The following CCDC3 variants were observed in gnomAD, a reference collection of about 807,000 sequenced individuals.
CCDC3 encodes the protein coiled-coil domain containing 3.
Under a neutral mutation model 21.4 loss-of-function variants are expected in CCDC3, and 24 were observed. That is an observed-to-expected ratio of 1.12 (90% CI 0.81 to 1.58). CCDC3 has a LOEUF of 1.58. CCDC3 is among the 40% of genes most tolerant of loss of function. The probability of loss-of-function intolerance (pLI) is 0.00; values close to 1 mark genes in which losing one functional copy is unlikely to be tolerated. For synonymous variants in CCDC3, 186 were observed against 166.0 expected (o/e 1.12, Z -0.93); for missense variants, 425 against 360.9 (o/e 1.18, Z -1.44).
intron 2 of CCDC3, among the ~76,000 whole-genome samples, chr10:12,914,927 C>T (rs1379747656): frequency 6.6e-6 from 1 of 152,044 alleles, no homozygotes. Flanking sequence ...TGAGGTAACA[C>T]TAGATGTTTA....
chr10:12,951,161 A>T (rs889183823), intron 2 of CCDC3, among the ~76,000 whole-genome samples: 1 of 152,228 alleles, frequency 6.6e-6, no homozygotes, highest in African/African-American at 2.4e-5. Flanking sequence ...ACTCGAGTCC[A>T]GGACTTCAAG....
upstream of CCDC3, among the ~76,000 whole-genome samples, chr10:13,003,214 T>A (rs1441575674): frequency 6.6e-6 from 1 of 152,230 alleles, no homozygotes; most frequent in Non-Finnish European, 1.5e-5. Context: ...ATAATAAGAA[T>A]TGCTAAACCT....
At chr10:12,940,943 C>G (rs575244056) in intron 2 of CCDC3, among the ~76,000 whole-genome samples, 4 of 137,888 alleles carry the variant, frequency 2.9e-5, no homozygotes, top group Admixed American at 1.4e-4. Flanking sequence ...GATCTTTGCA[C>G]TTGTGATACT....
chr10:12,969,021 A>G (rs1054903617), intron 2 of CCDC3, among the ~76,000 whole-genome samples: 3 of 152,200 alleles, frequency 2.0e-5, no homozygotes, highest in African/African-American at 7.2e-5. Context: ...TCTTGAGTGT[A>G]AACAGATTAA....
At chr10:13,003,933 T>C (rs974924632), upstream of CCDC3, among the ~76,000 whole-genome samples, 7 of 152,350 alleles carry the variant, frequency 4.6e-5, no homozygotes, top group Admixed American at 6.5e-5. Flanking sequence ...TTTTCTCCCC[T>C]GTAAGATCTG....
chr10:13,058,490 G>A (rs2131430505), intron 4 of CCDC3: 3 of 750,824 alleles, frequency 4.0e-6, no homozygotes, highest in East Asian at 2.4e-5. Flanking sequence ...TAAGCAATCT[G>A]ACAAATGATA....
intron 2 of CCDC3, among the ~76,000 whole-genome samples, chr10:12,965,064 A>G (rs1835241616): frequency 6.6e-6 from 1 of 152,166 alleles, no homozygotes; most frequent in Non-Finnish European, 1.5e-5. Flanking sequence ...CTCTTATCAC[A>G]GGAGAGGAGA....
chr10:13,041,184 G>C (rs540342378), intron 5 of CCDC3, among the ~76,000 whole-genome samples: 1 of 152,266 alleles, frequency 6.6e-6, no homozygotes, highest in East Asian at 1.9e-4. Flanking sequence ...TAGCCAGCCA[G>C]AAGTACCTAT....
intron 2 of CCDC3, among the ~76,000 whole-genome samples, chr10:12,991,110 A>C (rs1224403909): frequency 6.6e-6 from 1 of 152,168 alleles, no homozygotes; most frequent in Non-Finnish European, 1.5e-5. Context: ...GATACCTTTA[A>C]ATTGTTCTAG....
At chr10:12,987,180 T>G (rs1835608467) in intron 2 of CCDC3, among the ~76,000 whole-genome samples, 2 of 152,124 alleles carry the variant, frequency 1.3e-5, no homozygotes, top group Admixed American at 1.3e-4. Context: ...CTCCACCAAA[T>G]CCTCCCATTT....
intron 2 of CCDC3, among the ~76,000 whole-genome samples, chr10:12,941,182 G>C (rs576775555): frequency 6.6e-6 from 1 of 152,320 alleles, no homozygotes; most frequent in South Asian, 2.1e-4. Flanking sequence ...AGTGTCCTCT[G>C]GTGGTCCTCA....
intron 4 of CCDC3, among the ~76,000 whole-genome samples, chr10:13,050,621 C>T (rs1016252632): frequency 6.6e-6 from 1 of 151,868 alleles, no homozygotes; most frequent in Non-Finnish European, 1.5e-5. Context: ...CCACCATGCC[C>T]AGCTAATTTT....
intron 2 of CCDC3, among the ~76,000 whole-genome samples, chr10:12,938,892 C>T (rs1888661): frequency 0.23 from 35,105 of 152,054 alleles, 4,556 homozygotes; most frequent in South Asian, 0.45. Flanking sequence ...GGATCCATAA[C>T]CTCACCTGCG....
intron 5 of CCDC3, among the ~76,000 whole-genome samples, chr10:13,010,489 T>C (rs1835971513): frequency 6.6e-6 from 1 of 152,068 alleles, no homozygotes; most frequent in Non-Finnish European, 1.5e-5. Context: ...GTCAAGAACA[T>C]GAAGGAACTG....
chr10:13,025,226 A>G (rs542422504), intron 5 of CCDC3, among the ~76,000 whole-genome samples: 122 of 152,170 alleles, frequency 8.0e-4, no homozygotes, highest in Admixed American at 3.9e-3. Context: ...TTCAACTGGA[A>G]TTGGCGAAGG....
chr10:13,076,804 T>C (rs1304800523), intron 3 of CCDC3, among the ~76,000 whole-genome samples: 1 of 152,216 alleles, frequency 6.6e-6, no homozygotes, highest in Non-Finnish European at 1.5e-5. Context: ...TGCTTTCACC[T>C]ATTTAGAGAA....
chr10:13,002,859 A>ACGGCC (rs557849147), upstream of CCDC3, among the ~76,000 whole-genome samples: 367 of 152,318 alleles, frequency 2.4e-3, 3 homozygotes, highest in African/African-American at 8.1e-3. Flanking sequence ...TGGCTTACAG[A>ACGGCC]CGGCCACCTT....
intron 2 of CCDC3, among the ~76,000 whole-genome samples, chr10:12,967,105 C>T (rs1835273215): frequency 6.6e-6 from 1 of 152,200 alleles, no homozygotes; most frequent in South Asian, 2.1e-4. Flanking sequence ...TGCCCCTCTC[C>T]ACCTTCTCCC....
chr10:13,096,123 C>CCTCCTTCCTTTCTCTCT (rs2131458484), intron 3 of CCDC3, among the ~76,000 whole-genome samples: 1 of 151,222 alleles, frequency 6.6e-6, no homozygotes, highest in East Asian at 1.9e-4. Context: ...TCCTTCCTTC[C>CCTCCTTCCTTTCTCTCT]CTCCTTCCTT....
Sources: allele counts gnomAD v4.1 joint callset (sites outside exome capture counted in the v4.1 genomes callset), GRCh38; gene constraint gnomAD v4.1.1; transcripts MANE v1.5; gene names NCBI Gene and HGNC (gene_info 2026-07-23, HGNC 2026-07-21).